Variants in TDRD3 observed in about 807,000 individuals in gnomAD.
TDRD3 encodes the protein tudor domain-containing protein 3.
A neutral mutation model predicts 86.7 loss-of-function variants in TDRD3; 45 were observed. That is an observed-to-expected ratio of 0.52 (90% CI 0.41 to 0.67). The LOEUF (loss-of-function observed/expected upper bound fraction) is 0.67. TDRD3 is among the 30% of genes least tolerant of loss of function. The probability of loss-of-function intolerance (pLI) is 0.00; values close to 1 mark genes in which losing one functional copy is unlikely to be tolerated. For synonymous variants in TDRD3, 298 were observed against 301.7 expected (o/e 0.99, Z 0.13); for missense variants, 814 against 889.0 (o/e 0.92, Z 1.07).
rs1275992452 is a variant in TDRD3 at position 60,465,051 on chromosome 13, A to G, written c.354-2187A>G. On this transcript the variant is annotated intron_variant, in intron 4 of 13. Coordinates refer to ENST00000377881, the MANE Select transcript of TDRD3 (RefSeq NM_001146070.2). ...ATATATGTGTCAAAATATCACACAT[A>G]CCCCCAAAATATGTATAATTATGAC... Among the ~76,000 whole-genome samples, 8 of 152,282 alleles carry G rather than the reference A, an allele frequency of 5.3e-5. No individual in the cohort carries two copies. The East Asian group carries it at 1.2e-3, about 22-fold the overall frequency.
At chr13:60,489,133 C>T (rs945979130) in intron 7 of TDRD3, among the ~76,000 whole-genome samples, 1 of 152,088 alleles carries the variant, frequency 6.6e-6, no homozygotes, top group Non-Finnish European at 1.5e-5. Flanking sequence ...TTGCCCAGAC[C>T]AACATCCTGA....
chr13:60,495,894 GTTTC>G (rs1956702866), intron 8 of TDRD3, among the ~76,000 whole-genome samples: 1 of 152,064 alleles, frequency 6.6e-6, no homozygotes, highest in African/African-American at 2.4e-5. Context: ...TTAAACCATA[GTTTC>G]TAATCTTGTG....
At chr13:60,396,963 A>T (rs1014584121), upstream of TDRD3, 5 of 158,208 alleles carry the variant, frequency 3.2e-5, no homozygotes, top group African/African-American at 1.2e-4. Context: ...TGGGCGCTGC[A>T]AACGCCACAC....
chr13:60,405,165 C>T (rs923330095), intron 1 of TDRD3, among the ~76,000 whole-genome samples: 2 of 152,148 alleles, frequency 1.3e-5, no homozygotes, highest in Non-Finnish European at 2.9e-5. Context: ...GACAGGGTTT[C>T]ACCATGTTGG....
intron 12 of TDRD3, among the ~76,000 whole-genome samples, chr13:60,548,552 A>G (rs1001367630): frequency 2.0e-5 from 3 of 152,192 alleles, no homozygotes. Context: ...TTACATTATT[A>G]AAGATTTTTT....
chr13:60,402,746 A>G (rs1195972104), intron 1 of TDRD3, among the ~76,000 whole-genome samples: 1 of 127,838 alleles, frequency 7.8e-6, no homozygotes, highest in Non-Finnish European at 1.5e-5. Context: ...TGCCCAGGCT[A>G]GAGTGCAATG....
chr13:60,466,648 C>T (rs959666894), intron 4 of TDRD3, among the ~76,000 whole-genome samples: 8 of 151,966 alleles, frequency 5.3e-5, no homozygotes, highest in South Asian at 2.1e-4. Context: ...ATTAGCTGGT[C>T]GTGGGGGCGC....
chr13:60,532,955 A>G (rs1957618487), intron 11 of TDRD3, among the ~76,000 whole-genome samples: 1 of 152,172 alleles, frequency 6.6e-6, no homozygotes, highest in African/African-American at 2.4e-5. Context: ...CATAAGTTGA[A>G]AATATCATAA....
chr13:60,419,306 G>A (rs1246370407), intron 1 of TDRD3, among the ~76,000 whole-genome samples: 2 of 152,170 alleles, frequency 1.3e-5, no homozygotes, highest in Admixed American at 1.3e-4. Flanking sequence ...GGCTAAAGAT[G>A]TTGAGTACTT....
rs575091436 is a variant in TDRD3 at position 60,469,355 on chromosome 13, A to G, written c.495+1976A>G. On this transcript the variant is annotated intron_variant, in intron 5 of 13. Coordinates refer to ENST00000377881, the MANE Select transcript of TDRD3 (RefSeq NM_001146070.2). The stretch of plus-strand genomic sequence containing the variant: ...TAATACCTTATATAATTTTCCCACA[A>G]CCCAGTCCCATAGCCAGGACCACTT... Among the ~76,000 whole-genome samples, 68 of 152,046 alleles carry G rather than the reference A, an allele frequency of 4.5e-4. 1 individual carries two copies. The highest frequency in any genetic ancestry group is 6.8e-3 in the Middle Eastern group (2 of 294).
At chr13:60,456,651 A>G (rs1437156823) in intron 3 of TDRD3, among the ~76,000 whole-genome samples, 1 of 152,130 alleles carries the variant, frequency 6.6e-6, no homozygotes, top group African/African-American at 2.4e-5. Context: ...TAGTTGAAGA[A>G]AGATTTAGAA....
At chr13:60,506,141 G>A (rs1419644592) in intron 8 of TDRD3, among the ~76,000 whole-genome samples, 5 of 152,084 alleles carry the variant, frequency 3.3e-5, no homozygotes, top group African/African-American at 1.2e-4. Context: ...AGAAAGGTCA[G>A]GTTACCCTCA....
rs781139060 is a variant in TDRD3 at position 60,510,756 on chromosome 13, G to T, written c.1141+1G>T. On this transcript the variant is annotated splice_donor_variant, in intron 10 of 13. Transcript: ENST00000377881. LOFTEE classifies it high-confidence loss of function. ...AAAATGGGAACTTTGAATGTGGAAG[G>T]TAAGCTAATTTAAAGTTGATTCCTT... is the stretch of plus-strand genomic sequence containing the variant. 5.2e-6 allele frequency: 8 copies of T among 1,531,540 alleles called. No individual in the cohort carries two copies. Among genetic ancestry groups the T allele is most frequent in the Non-Finnish European group, 7.0e-6 (8 of 1,141,860 alleles). The allele number at this position is 1,531,540 out of a possible 1,614,324, so 94.9% of individuals were successfully genotyped here. A position where few individuals can be genotyped will look rare whatever the true frequency, so the allele number is the denominator to read the frequency against.
chr13:60,518,590 A>G (rs138221514), intron 10 of TDRD3, among the ~76,000 whole-genome samples: 73 of 152,314 alleles, frequency 4.8e-4, no homozygotes, highest in African/African-American at 8.9e-4. Context: ...TCATTATAGT[A>G]TTTTGACTTT....
intron 1 of TDRD3, among the ~76,000 whole-genome samples, chr13:60,416,949 G>T (rs897149969): frequency 6.7e-6 from 1 of 149,186 alleles, no homozygotes; most frequent in Non-Finnish European, 1.5e-5. Flanking sequence ...TTCCTTATTG[G>T]TACTAACAAA....
At chr13:60,405,346 A>C (rs895544739) in intron 1 of TDRD3, among the ~76,000 whole-genome samples, 2 of 152,186 alleles carry the variant, frequency 1.3e-5, no homozygotes, top group Non-Finnish European at 2.9e-5. Context: ...TAGAAAAAAA[A>C]CCCATTAATT....
intron 1 of TDRD3, among the ~76,000 whole-genome samples, chr13:60,430,149 GT>G (rs1026881216): frequency 2.7e-4 from 41 of 152,144 alleles, no homozygotes; most frequent in Admixed American, 9.8e-4. Context: ...GTTTTCACTA[GT>G]TTCACTAAAA....
chr13:60,446,749 T>C (rs1205074114), intron 3 of TDRD3, among the ~76,000 whole-genome samples: 3 of 152,192 alleles, frequency 2.0e-5, no homozygotes, highest in African/African-American at 7.2e-5. Flanking sequence ...ATTCAAGGAA[T>C]ATATTTTTGA....
chr13:60,397,456 C>G, intron 1 of TDRD3, 51 bp downstream of exon 1: 2 of 1,454,752 alleles, frequency 1.4e-6, no homozygotes, highest in South Asian at 2.7e-5. Context: ...GGCCGGGGCC[C>G]CAGGGAGGTT....
Sources: gnomAD v4.1 joint callset for allele counts (sites outside exome capture counted in the v4.1 genomes callset) on GRCh38, gnomAD v4.1.1 for gene constraint, MANE v1.5 for transcripts, NCBI Gene and HGNC (gene_info 2026-07-23, HGNC 2026-07-21) for gene names.